Variants in MID2 observed in about 807,000 individuals in gnomAD.
MID2 encodes the protein probable E3 ubiquitin-protein ligase MID2.
A neutral mutation model predicts 46.1 loss-of-function variants in MID2; 13 were observed. The ratio of observed to expected loss-of-function variants is 0.28; its 90% CI spans 0.18 to 0.45. The LOEUF is 0.45. MID2 is among the 20% of genes least tolerant of loss of function. The probability of loss-of-function intolerance (pLI) is 1.00; values close to 1 mark genes in which losing one functional copy is unlikely to be tolerated. For synonymous variants in MID2, 199 were observed against 212.3 expected, an observed-to-expected ratio of 0.94 and a Z score of 0.55; for missense variants, 431 against 575.4, an observed-to-expected ratio of 0.75 and a Z score of 2.57.
intron 2 of MID2, among the ~76,000 whole-genome samples, chrX:107,847,161 C>T (rs1419056516): frequency 8.9e-6 from 1 of 112,295 alleles, no homozygotes; most frequent in African/African-American, 3.2e-5. Flanking sequence ...GGGATTCATT[C>T]ATTCATTTAA....
chrX:107,908,848 CA>C (rs955081445), intron 5 of MID2, among the ~76,000 whole-genome samples: 23 of 111,413 alleles, frequency 2.1e-4, no homozygotes, highest in Admixed American at 1.8e-3. Context: ...GGCAACAGGA[CA>C]ATGTCTTGTC....
At position 107,928,744 on chromosome X, in the gene MID2, A is replaced by C. The variant is rs148900032; in HGVS notation, c.*1671A>C. Among the ~76,000 whole-genome samples, 2,819 of 112,060 alleles carry C rather than the reference A, an allele frequency of 0.025. 82 individuals are homozygous for C. Among genetic ancestry groups the C allele is most frequent in the African/African-American group, 0.087 (2,696 of 30,846 alleles). On this transcript the variant is annotated 3_prime_UTR_variant, in exon 10 of 10. Coordinates refer to ENST00000262843, the MANE Select transcript of MID2 (RefSeq NM_012216.4). ...TACTATTCTGTGGAAGAAACAAAGT[A>C]TATAATCCTCCCCAATAACAGTTAT...
At chrX:107,848,442 G>T (rs1265246054) in intron 2 of MID2, among the ~76,000 whole-genome samples, 4 of 111,501 alleles carry the variant, frequency 3.6e-5, no homozygotes, top group African/African-American at 1.3e-4. Flanking sequence ...TGCACCTGAA[G>T]ATGGGGGAAA....
At chrX:107,887,214 G>GCAC (rs1932473667) in intron 3 of MID2, among the ~76,000 whole-genome samples, 1 of 111,776 alleles carries the variant, frequency 8.9e-6, no homozygotes, top group Non-Finnish European at 1.9e-5. Context: ...TTTTCAAAGG[G>GCAC]AATGCTTCCA....
chrX:107,856,360 A>G (rs1303971120), intron 3 of MID2, among the ~76,000 whole-genome samples: 1 of 112,130 alleles, frequency 8.9e-6, no homozygotes, highest in Non-Finnish European at 1.9e-5. Flanking sequence ...CCCTTGATTT[A>G]GAATTTGCAT....
chrX:107,918,113 C>T (rs111859615), intron 7 of MID2, among the ~76,000 whole-genome samples: 5,532 of 111,818 alleles, frequency 0.049, 362 homozygotes, highest in African/African-American at 0.17. Flanking sequence ...TGACAAGCCT[C>T]CTGCCTCTGT....
chrX:107,901,549 A>G (rs1325694293), intron 3 of MID2, among the ~76,000 whole-genome samples: 1 of 111,772 alleles, frequency 8.9e-6, no homozygotes, highest in Non-Finnish European at 1.9e-5. Flanking sequence ...ACAAATAATT[A>G]CGGAGCATCT....
intron 3 of MID2, among the ~76,000 whole-genome samples, chrX:107,869,384 T>C (rs1932020457): frequency 8.9e-6 from 1 of 111,881 alleles, no homozygotes; most frequent in Admixed American, 9.5e-5. Context: ...TACTGACTTT[T>C]TGGTAATATC....
intron 5 of MID2, among the ~76,000 whole-genome samples, chrX:107,915,595 A>G (rs1194616723): frequency 9.0e-6 from 1 of 111,291 alleles, no homozygotes; most frequent in African/African-American, 3.3e-5. Flanking sequence ...TATTTAGGGA[A>G]GGTGTTAACC....
chrX:107,924,745 G>C (rs1383644430), intron 8 of MID2, among the ~76,000 whole-genome samples: 1 of 111,229 alleles, frequency 9.0e-6, no homozygotes, highest in Non-Finnish European at 1.9e-5. Context: ...AGTTTTCTCT[G>C]TACTCCACCC....
At chrX:107,926,379 C>T (rs763253595) in intron 9 of MID2, 78 bp downstream of exon 9, 438 of 872,855 alleles carry the variant, frequency 5.0e-4, no homozygotes, top group Non-Finnish European at 6.1e-4. Flanking sequence ...ATAGCACAAC[C>T]ATAATACCAA....
intron 3 of MID2, among the ~76,000 whole-genome samples, chrX:107,874,258 G>A (rs1932143542): frequency 8.9e-6 from 1 of 111,993 alleles, no homozygotes; most frequent in Admixed American, 9.4e-5. Context: ...TTCTTAATTG[G>A]ACTTCAGATC....
At chrX:107,919,427 C>T (rs773910035) in intron 7 of MID2, among the ~76,000 whole-genome samples, 1 of 111,783 alleles carries the variant, frequency 8.9e-6, no homozygotes, top group Non-Finnish European at 1.9e-5. Flanking sequence ...ACCACAGCAA[C>T]CAATTAGTCC....
intron 3 of MID2, among the ~76,000 whole-genome samples, chrX:107,868,667 C>T (rs774563072): frequency 1.9e-4 from 21 of 111,257 alleles, no homozygotes; most frequent in South Asian, 3.8e-4. Flanking sequence ...TCATTTACTA[C>T]GATTTTACTA....
intron 3 of MID2, among the ~76,000 whole-genome samples, chrX:107,902,668 G>T (rs571191381): frequency 9.0e-6 from 1 of 111,380 alleles, no homozygotes; most frequent in Admixed American, 9.5e-5. Flanking sequence ...TATGAGAGAG[G>T]GGGTAGTAGG....
In MID2 at chrX:107,923,763, A is replaced by C. The variant is rs189846210; in HGVS notation, c.1436-580A>C. Reference sequence around the variant, plus strand: ...TTGTTCACCCCATGAACTGTGATGTAGTAGAGAGAACACTGGGCTACCATT... The same window carrying C: ...TTGTTCACCCCATGAACTGTGATGTCGTAGAGAGAACACTGGGCTACCATT... On this transcript the variant is annotated intron_variant, in intron 7 of 9. Coordinates refer to ENST00000262843, the MANE Select transcript of MID2 (RefSeq NM_012216.4). Among the ~76,000 whole-genome samples, 95 of 112,099 alleles carry C rather than the reference A, an allele frequency of 8.5e-4. 1 individual carries two copies. The highest frequency in any genetic ancestry group is 4.6e-3 in the Middle Eastern group (1 of 218).
chrX:107,894,195 CCTT>C (rs1409542178), intron 3 of MID2, among the ~76,000 whole-genome samples: 1 of 111,332 alleles, frequency 9.0e-6, no homozygotes, highest in Non-Finnish European at 1.9e-5. Flanking sequence ...GGTGTCCTAT[CCTT>C]TTTTTTTTTA....
intron 7 of MID2, among the ~76,000 whole-genome samples, chrX:107,922,832 A>G (rs1233097377): frequency 8.9e-6 from 1 of 111,853 alleles, no homozygotes. Flanking sequence ...ACAGCTGCAT[A>G]GTACTTCATT....
intron 5 of MID2, among the ~76,000 whole-genome samples, chrX:107,911,966 T>C (rs922314252): frequency 2.7e-5 from 3 of 111,715 alleles, no homozygotes; most frequent in Admixed American, 1.9e-4. Flanking sequence ...TTTAGTATAA[T>C]GTCAAAGATC....
Sources: allele counts gnomAD v4.1 joint callset (sites outside exome capture counted in the v4.1 genomes callset), GRCh38; gene constraint gnomAD v4.1.1; transcripts MANE v1.5; gene names NCBI Gene and HGNC (gene_info 2026-07-23, HGNC 2026-07-21).